MAGI2: variants seen among roughly 807,000 people sequenced by gnomAD.
The protein encoded by MAGI2 is membrane associated guanylate kinase, WW and PDZ domain containing 2.
MAGI2 carries 35 observed loss-of-function variants against 133.3 expected under a neutral mutation model. The ratio of observed to expected loss-of-function variants is 0.26; its 90% confidence interval spans 0.20 to 0.35. The LOEUF is 0.35. Among genes scored for constraint, MAGI2 ranks in the 10% least tolerant of loss-of-function variants. The pLI is 1.00. For missense variants in MAGI2, 1,636 were observed against 1,863.4 expected (o/e 0.88, Z 2.25); for synonymous variants, 729 against 710.6 (o/e 1.03, Z -0.41).
chr7:79,170,063 A>T (rs1015102350), intron 1 of MAGI2, among the ~76,000 whole-genome samples: 1 of 150,984 alleles, frequency 6.6e-6, no homozygotes, highest in African/African-American at 2.4e-5. Context: ...AGATGACCAT[A>T]GTAGGTCATC....
At chr7:79,318,936 T>C (rs764425488) in intron 1 of MAGI2, among the ~76,000 whole-genome samples, 6 of 152,140 alleles carry the variant, frequency 3.9e-5, no homozygotes, top group Admixed American at 3.9e-4. Context: ...TCCCATTAAG[T>C]ATTTGCATTA....
intron 3 of MAGI2, among the ~76,000 whole-genome samples, chr7:78,562,354 T>C (rs1363701635): frequency 6.6e-6 from 1 of 152,222 alleles, no homozygotes; most frequent in Non-Finnish European, 1.5e-5. Context: ...TACACTGTAG[T>C]AGAAAGGAAA....
At chr7:78,938,395 T>A (rs1175937280) in intron 2 of MAGI2, among the ~76,000 whole-genome samples, 1 of 152,016 alleles carries the variant, frequency 6.6e-6, no homozygotes, top group Non-Finnish European at 1.5e-5. Flanking sequence ...TAAAAAAAAA[T>A]TAGGATTCAG....
intron 1 of MAGI2, among the ~76,000 whole-genome samples, chr7:79,238,883 C>G (rs182872575): frequency 4.6e-5 from 7 of 152,248 alleles, no homozygotes; most frequent in Non-Finnish European, 8.8e-5. Flanking sequence ...AGGTTCATCT[C>G]TCTCAATACA....
At chr7:78,201,257 C>T (rs141007194) in intron 10 of MAGI2, 64 bp from the exon 11 acceptor site, 16 of 741,828 alleles carry the variant, frequency 2.2e-5, no homozygotes, top group African/African-American at 7.4e-5. Flanking sequence ...ATGGGTGGCA[C>T]GATATTAAGA....
chr7:78,508,511 T>C (rs1795288258), intron 4 of MAGI2, among the ~76,000 whole-genome samples: 1 of 152,234 alleles, frequency 6.6e-6, no homozygotes. Context: ...TTGTGTAAGT[T>C]GTTAAGAAAT....
chr7:79,085,335 A>T (rs555433924), intron 1 of MAGI2, among the ~76,000 whole-genome samples: 2 of 151,708 alleles, frequency 1.3e-5, no homozygotes, highest in Admixed American at 6.6e-5. Flanking sequence ...TTTTTTCTAA[A>T]ATTCATATAT....
chr7:78,052,673 A>T (rs900876717), intron 21 of MAGI2, among the ~76,000 whole-genome samples: 32 of 152,222 alleles, frequency 2.1e-4, no homozygotes, highest in African/African-American at 7.7e-4. Flanking sequence ...TGGGGAAAAA[A>T]ATACTTTAAT....
intron 2 of MAGI2, among the ~76,000 whole-genome samples, chr7:78,883,484 A>G (rs1272430902): frequency 1.3e-5 from 2 of 152,120 alleles, no homozygotes; most frequent in Non-Finnish European, 2.9e-5. Flanking sequence ...CTTTCAAACT[A>G]CCAATGCCAT....
chr7:78,090,705 T>C (rs1396384685), intron 20 of MAGI2, among the ~76,000 whole-genome samples: 2 of 152,104 alleles, frequency 1.3e-5, no homozygotes, highest in Non-Finnish European at 2.9e-5. Flanking sequence ...GCAAAAAAAA[T>C]GTATTGAGGT....
intron 6 of MAGI2, among the ~76,000 whole-genome samples, chr7:78,450,654 CTT>C (rs948174359): frequency 1.5e-5 from 2 of 133,032 alleles, no homozygotes; most frequent in African/African-American, 5.6e-5. Context: ...TCTCTGCTTA[CTT>C]TTTTTTCTTG....
At chr7:78,244,815 A>G (rs1178235964) in intron 10 of MAGI2, among the ~76,000 whole-genome samples, 1 of 147,754 alleles carries the variant, frequency 6.8e-6, no homozygotes, top group Non-Finnish European at 1.5e-5. Context: ...AATAATAATC[A>G]TCTCCAAAGA....
chr7:79,077,574 C>CAAAAAAAAAAAAAAAAA (rs769770373), intron 1 of MAGI2, among the ~76,000 whole-genome samples: 9 of 23,774 alleles, frequency 3.8e-4, no homozygotes, highest in Non-Finnish European at 5.5e-4. Flanking sequence ...GACTGCCTCT[C>CAAAAAAAAAAAAAAAAA]AAAAAAAAAA....
At chr7:78,068,327 G>A (rs1013894278) in intron 21 of MAGI2, among the ~76,000 whole-genome samples, 1 of 152,188 alleles carries the variant, frequency 6.6e-6, no homozygotes, top group African/African-American at 2.4e-5. Flanking sequence ...CTCCTGCTAT[G>A]TGGCCCGGTT....
chr7:78,240,389 A>G (rs575596298), intron 10 of MAGI2, among the ~76,000 whole-genome samples: 10 of 152,348 alleles, frequency 6.6e-5, no homozygotes, highest in African/African-American at 2.4e-4. Context: ...ACTACTCATA[A>G]TAGCCAAGGC....
intron 1 of MAGI2, among the ~76,000 whole-genome samples, chr7:79,107,176 T>C (rs1352794322): frequency 6.6e-6 from 1 of 152,124 alleles, no homozygotes; most frequent in Non-Finnish European, 1.5e-5. Flanking sequence ...GTGGAGAGCT[T>C]TCTCCAGGTA....
chr7:78,164,121 A>G (rs1440208206), intron 15 of MAGI2, among the ~76,000 whole-genome samples: 5 of 152,136 alleles, frequency 3.3e-5, no homozygotes, highest in Admixed American at 6.5e-5. Flanking sequence ...TTATTCACAC[A>G]GTGAGGAATT....
intron 6 of MAGI2, among the ~76,000 whole-genome samples, chr7:78,429,786 T>C (rs1799620351): frequency 6.6e-6 from 1 of 152,114 alleles, no homozygotes; most frequent in Non-Finnish European, 1.5e-5. Flanking sequence ...GCACTTGCTA[T>C]ATGCCAGTAT....
At chr7:78,766,572 C>T (rs1043280175) in intron 2 of MAGI2, among the ~76,000 whole-genome samples, 1 of 152,150 alleles carries the variant, frequency 6.6e-6, no homozygotes, top group Admixed American at 6.5e-5. Flanking sequence ...CTTGACAGTA[C>T]ACAGTATTGT....
Sources: allele counts gnomAD v4.1 joint callset (sites outside exome capture counted in the v4.1 genomes callset), GRCh38; gene constraint gnomAD v4.1.1; transcripts MANE v1.5; gene names NCBI Gene and HGNC (gene_info 2026-07-23, HGNC 2026-07-21).